ARSJ: variants seen among roughly 807,000 people sequenced by gnomAD.
ARSJ encodes the protein arylsulfatase J.
A neutral mutation model predicts 35.9 loss-of-function variants in ARSJ; 26 were observed. That is an observed-to-expected ratio of 0.72 (90% confidence interval 0.53 to 1.00). The LOEUF (loss-of-function observed/expected upper bound fraction) is 1.00, where lower values mean the gene tolerates loss of function less well. ARSJ is among the 50% of genes least tolerant of loss of function. The pLI, the probability that ARSJ is intolerant of heterozygous loss-of-function variation, is 0.00. For synonymous variants in ARSJ, 294 were observed against 267.6 expected (o/e 1.10, Z -0.96); for missense variants, 667 against 723.6 (o/e 0.92, Z 0.90).
rs1409632829 is a variant in ARSJ, at chr4:113,902,034, C to T, written c.*240G>A. On this transcript the variant is annotated 3_prime_UTR_variant, in exon 2 of 2. Coordinates refer to ENST00000315366, the MANE Select transcript of ARSJ (RefSeq NM_024590.4). ...GGACTCACCACGTTTTCTAAAGGAG[C>T]AAGAGAAATAAACATCTCCACTCTC... The T allele has an allele frequency of 1.3e-5, 16 of 1,240,560 alleles. No individual in the cohort carries two copies. The Admixed American group carries it at 3.0e-4, about 23-fold the overall frequency. The allele number at this position is 1,240,560 out of a possible 1,614,324, so 76.8% of individuals were successfully genotyped here.
chr4:113,959,727 C>T (rs1419861873), intron 1 of ARSJ, among the ~76,000 whole-genome samples: 1 of 151,996 alleles, frequency 6.6e-6, no homozygotes. Context: ...CAACTATAAT[C>T]AACATGAGAT....
intron 1 of ARSJ, among the ~76,000 whole-genome samples, chr4:113,919,064 ATTTGGC>A (rs1172265671): frequency 6.6e-6 from 1 of 152,134 alleles, no homozygotes; most frequent in Non-Finnish European, 1.5e-5. Context: ...CTTCTAGAGT[ATTTGGC>A]TTTGGTTTTT....
chr4:113,933,980 A>C (rs1324323380), intron 1 of ARSJ, among the ~76,000 whole-genome samples: 1 of 152,026 alleles, frequency 6.6e-6, no homozygotes, highest in African/African-American at 2.4e-5. Context: ...ATGGTCTCAT[A>C]TTTAGAAATG....
At chr4:113,920,969 G>C (rs1378388133) in intron 1 of ARSJ, among the ~76,000 whole-genome samples, 1 of 151,952 alleles carries the variant, frequency 6.6e-6, no homozygotes, top group Non-Finnish European at 1.5e-5. Flanking sequence ...GAACATTAAA[G>C]CTGGGCTTGC....
chr4:113,939,255 G>C (rs201719905), intron 1 of ARSJ, among the ~76,000 whole-genome samples: 2 of 103,342 alleles, frequency 1.9e-5, no homozygotes, highest in African/African-American at 3.3e-5. Context: ...CATTTTTTAT[G>C]GCTGCATAGT....
chr4:113,954,429 T>A (rs566147333), intron 1 of ARSJ, among the ~76,000 whole-genome samples: 1 of 152,166 alleles, frequency 6.6e-6, no homozygotes, highest in Admixed American at 6.6e-5. Context: ...TTTCTGAAAA[T>A]ACAGATTTTA....
intron 1 of ARSJ, among the ~76,000 whole-genome samples, chr4:113,956,907 T>G (rs1726217823): frequency 6.6e-6 from 1 of 151,992 alleles, no homozygotes; most frequent in African/African-American, 2.4e-5. Flanking sequence ...CCTATGCTTT[T>G]CAGGCAGGCA....
intron 1 of ARSJ, among the ~76,000 whole-genome samples, chr4:113,964,606 C>T (rs564418791): frequency 2.6e-5 from 4 of 152,086 alleles, no homozygotes; most frequent in African/African-American, 9.6e-5. Context: ...TAAGATAGTA[C>T]TTGAATTAAA....
At chr4:113,922,469 C>A (rs1278956041) in intron 1 of ARSJ, among the ~76,000 whole-genome samples, 1 of 152,088 alleles carries the variant, frequency 6.6e-6, no homozygotes, top group South Asian at 2.1e-4. Context: ...TATTGCTATG[C>A]AATATATTTC....
intron 1 of ARSJ, among the ~76,000 whole-genome samples, chr4:113,956,288 A>G (rs1434237694): frequency 6.6e-6 from 1 of 152,120 alleles, no homozygotes; most frequent in Non-Finnish European, 1.5e-5. Flanking sequence ...ACCTCTCCTT[A>G]TAGGGAATAT....
chr4:113,969,204 A>C lies in ARSJ; in HGVS notation c.398+9233T>G, dbSNP rs537150571. ...AGCAGGGTTCCAATAGATTCTGCCA[A>C]ACATGACAACCAACAACAACTAAAA... On this transcript the variant is annotated intron_variant, in intron 1 of 1. Transcript: ENST00000315366. 7.9e-5 allele frequency among the ~76,000 whole-genome samples: 12 copies of C among 152,350 alleles called. No homozygotes were observed. The East Asian group carries it at 2.3e-3, about 29-fold the overall frequency.
At chr4:113,955,409 T>C (rs959350432) in intron 1 of ARSJ, among the ~76,000 whole-genome samples, 16 of 151,298 alleles carry the variant, frequency 1.1e-4, no homozygotes, top group African/African-American at 3.9e-4. Context: ...GTAATCCAAA[T>C]GACTGTATAA....
In ARSJ at chr4:113,902,836, G is replaced by T. The variant is rs1184525357; in HGVS notation, c.1238C>A (p.Ser413Ter). ...IWETISEGLR[S>*]PRVDILHNID... is the part of the protein sequence containing the mutation. ...GTTATGCAAAATATCTACTCGGGGT[G>T]AGCGAAGACCCTCACTTATGGTCTC... is the stretch of plus-strand genomic sequence containing the variant. The change falls in exon 2 of 2, where the codon TCA becomes TAA. Residue 413 changes from serine (S) to a stop codon, truncating the protein, a stop_gained. Coordinates refer to ENST00000315366, the MANE Select transcript of ARSJ (RefSeq NM_024590.4). LOFTEE classifies it high-confidence loss of function. 6.2e-7 allele frequency: 1 copy of T among 1,613,994 alleles called. No homozygotes were observed. The highest frequency in any genetic ancestry group is 1.3e-5 in the African/African-American group (1 of 74,872).
chr4:113,959,810 G>A (rs1239631619), intron 1 of ARSJ, among the ~76,000 whole-genome samples: 1 of 152,166 alleles, frequency 6.6e-6, no homozygotes, highest in East Asian at 1.9e-4. Context: ...AAAATGGAAT[G>A]AAAGTATGGA....
At chr4:113,932,708 CA>C (rs1262833174) in intron 1 of ARSJ, among the ~76,000 whole-genome samples, 1 of 151,886 alleles carries the variant, frequency 6.6e-6, no homozygotes, top group Non-Finnish European at 1.5e-5. Context: ...ACAGCAAAAG[CA>C]GCATGAAGAG....
In ARSJ at chr4:113,940,227, A is replaced by T. The variant is rs556253974; in HGVS notation, c.399-36552T>A. Among the ~76,000 whole-genome samples the T allele has an allele frequency of 3.3e-3, 500 of 152,222 alleles. 1 individual carries two copies. Among genetic ancestry groups the T allele is most frequent in the African/African-American group, 0.012 (479 of 41,556 alleles). On this transcript the variant is annotated intron_variant, in intron 1 of 1. Coordinates refer to ENST00000315366, the MANE Select transcript of ARSJ (RefSeq NM_024590.4). ...CAACACTATTCACAATAGCAAACAC[A>T]TGGAATCAACCCAAATGCCCATCAA...
chr4:113,968,319 T>G (rs1727022461), intron 1 of ARSJ, among the ~76,000 whole-genome samples: 1 of 152,182 alleles, frequency 6.6e-6, no homozygotes, highest in Admixed American at 6.5e-5. Context: ...AATTAGACTA[T>G]ATGAAGTTTA....
Position 113,966,179 on chromosome 4 carries a change from T to C in ARSJ, c.398+12258A>G, listed in dbSNP as rs539552443. ...CTACCAAATTTACAGTATGTATTAA[T>C]GTATTATAGCTTAATAATTGAAATG... On this transcript the variant is annotated intron_variant, in intron 1 of 1. Transcript: ENST00000315366. Among the ~76,000 whole-genome samples the C allele has an allele frequency of 4.6e-5, 7 of 152,214 alleles. No individual in the cohort carries two copies. In the South Asian group the frequency reaches 1.2e-3, roughly 27 times the overall value.
chr4:113,918,924 C>T (rs993211792), intron 1 of ARSJ, among the ~76,000 whole-genome samples: 2 of 152,016 alleles, frequency 1.3e-5, no homozygotes, highest in Non-Finnish European at 2.9e-5. Context: ...TCCTGAGTAG[C>T]TGATACTAAG....
Sources: allele counts gnomAD v4.1 joint callset (sites outside exome capture counted in the v4.1 genomes callset), GRCh38; gene constraint gnomAD v4.1.1; transcripts MANE v1.5; gene names NCBI Gene and HGNC (gene_info 2026-07-23, HGNC 2026-07-21).